Variants in CHRM2 observed in about 807,000 individuals in gnomAD.
CHRM2 encodes cholinergic receptor muscarinic 2.
In CHRM2, 8 loss-of-function variants were observed where a neutral mutation model predicts 25.0. That is an observed-to-expected ratio of 0.32 (90% CI 0.19 to 0.58). The LOEUF (loss-of-function observed/expected upper bound fraction) is 0.58. CHRM2 is among the 20% of genes least tolerant of loss of function. The pLI, the probability that CHRM2 is intolerant of heterozygous loss-of-function variation, is 0.88. For missense variants in CHRM2, 440 were observed against 567.1 expected (o/e 0.78, Z 2.28); for synonymous variants, 202 against 205.7 (o/e 0.98, Z 0.15).
chr7:136,876,323 G>C (rs1024036144), intron 2 of CHRM2, among the ~76,000 whole-genome samples: 1 of 152,028 alleles, frequency 6.6e-6, no homozygotes, highest in African/African-American at 2.4e-5. Context: ...AACTTGTTAG[G>C]GATACAGATG....
intron 2 of CHRM2, among the ~76,000 whole-genome samples, chr7:136,878,988 T>A (rs138781938): frequency 8.7e-4 from 133 of 152,028 alleles, no homozygotes; most frequent in African/African-American, 3.0e-3. Context: ...GTTCAGAAAA[T>A]GAAGTCATGA....
intron 2 of CHRM2, among the ~76,000 whole-genome samples, chr7:136,974,910 T>G (rs1802016434): frequency 6.6e-6 from 1 of 152,128 alleles, no homozygotes; most frequent in Non-Finnish European, 1.5e-5. Context: ...TGATAACTAA[T>G]ATAGTGATGG....
chr7:136,942,182 A>G (rs1355161320), intron 2 of CHRM2, among the ~76,000 whole-genome samples: 12 of 152,120 alleles, frequency 7.9e-5, no homozygotes, highest in Non-Finnish European at 1.3e-4. Context: ...GAAAAATGCA[A>G]TATTTGAGGT....
At chr7:136,933,956 T>C (rs556620918) in intron 2 of CHRM2, among the ~76,000 whole-genome samples, 57 of 152,270 alleles carry the variant, frequency 3.7e-4, no homozygotes, top group Middle Eastern at 3.4e-3. Flanking sequence ...ATTTTTGTTC[T>C]GTTTTTGTTT....
chr7:136,952,481 T>C (rs1246539619), intron 2 of CHRM2, among the ~76,000 whole-genome samples: 1 of 152,198 alleles, frequency 6.6e-6, no homozygotes, highest in African/African-American at 2.4e-5. Flanking sequence ...ACTTCAGTCA[T>C]GAAGTTCTGG....
At chr7:136,921,794 C>CTTTCTTTCTTTCTTTT (rs776923730) in intron 2 of CHRM2, among the ~76,000 whole-genome samples, 9 of 116,538 alleles carry the variant, frequency 7.7e-5, no homozygotes, top group African/African-American at 2.2e-4. Flanking sequence ...TTCTTTCTTT[C>CTTTCTTTCTTTCTTTT]TTTTTTTTGA....
intron 2 of CHRM2, chr7:136,938,604 T>C: frequency 1.1e-6 from 1 of 881,544 alleles, no homozygotes; most frequent in Non-Finnish European, 1.9e-6. Flanking sequence ...CGAAAGCTGC[T>C]GCTGTCCACT....
chr7:136,892,484 C>T (rs981735381), intron 2 of CHRM2, among the ~76,000 whole-genome samples: 12 of 151,746 alleles, frequency 7.9e-5, no homozygotes, highest in Non-Finnish European at 1.8e-4. Context: ...ATTCATGGGA[C>T]GAGCAGAATG....
intron 3 of CHRM2, among the ~76,000 whole-genome samples, chr7:137,003,231 A>G (rs768174354): frequency 1.2e-4 from 18 of 152,112 alleles, no homozygotes; most frequent in Non-Finnish European, 2.4e-4. Context: ...TGTCTCCCTC[A>G]AAAGGAGGAA....
At chr7:136,944,839 T>A (rs2130830710) in intron 2 of CHRM2, among the ~76,000 whole-genome samples, 1 of 152,150 alleles carries the variant, frequency 6.6e-6, no homozygotes, top group Non-Finnish European at 1.5e-5. Context: ...CAATTGCTTT[T>A]GCATCAGCCT....
Position 137,015,523 on chromosome 7 carries a change from G to A in CHRM2, c.658G>A (p.Asp220Asn). 6.2e-7 allele frequency: 1 copy of A among 1,613,022 alleles called. No individual in the cohort carries two copies. The highest frequency in any genetic ancestry group is 8.5e-7 in the Non-Finnish European group (1 of 1,179,566). The change falls in exon 4 of 4, where the codon GAC becomes AAC. Residue 220 changes from aspartate to asparagine, a missense_variant. Asp to Asn is a conservative substitution (Grantham distance 23). Transcript: ENST00000680005. This position sits in a 1 kb window ranked among gnomAD's most constrained non-coding sequence, Gnocchi z 5.1. ...AGCCAGCAAGAGCAGGATAAAGAAGGACAAGAAGGAGCCTGTTGCCAACCA... is the reference window on the plus strand; with the variant it reads ...AGCCAGCAAGAGCAGGATAAAGAAGAACAAGAAGGAGCCTGTTGCCAACCA... ...SRASKSRIKK[D>N]KKEPVANQDP...
At chr7:136,922,532 T>G (rs1798507141) in intron 2 of CHRM2, among the ~76,000 whole-genome samples, 2 of 152,200 alleles carry the variant, frequency 1.3e-5, no homozygotes. Flanking sequence ...CATTTATATC[T>G]TTCCATACTC....
At chr7:136,911,510 C>A (rs901608489) in intron 2 of CHRM2, among the ~76,000 whole-genome samples, 5 of 151,880 alleles carry the variant, frequency 3.3e-5, no homozygotes, top group African/African-American at 7.3e-5. Flanking sequence ...ATGCTTCTCA[C>A]CAGCATGCTC....
chr7:136,919,241 G>A (rs560775071), intron 2 of CHRM2, among the ~76,000 whole-genome samples: 9 of 152,156 alleles, frequency 5.9e-5, no homozygotes, highest in African/African-American at 1.9e-4. Flanking sequence ...GTGGTGGTAT[G>A]CACTTTTAAA....
At chr7:137,014,752 A>G (rs1805058968) in intron 3 of CHRM2, 68 bp from the exon 4 acceptor site, 1 of 987,198 alleles carries the variant, frequency 1.0e-6, no homozygotes, top group African/African-American at 1.6e-5. Context: ...TTAAAAGGAG[A>G]AACAACATTA....
At chr7:137,006,244 T>C (rs972287509) in intron 3 of CHRM2, among the ~76,000 whole-genome samples, 1 of 152,266 alleles carries the variant, frequency 6.6e-6, no homozygotes, top group Non-Finnish European at 1.5e-5. Context: ...CTATTCAGAA[T>C]TGTCCAGGCC....
chr7:136,956,114 C>T (rs916107839), intron 2 of CHRM2, among the ~76,000 whole-genome samples: 3 of 151,876 alleles, frequency 2.0e-5, no homozygotes, highest in Non-Finnish European at 4.4e-5. Context: ...AAGAGAGATA[C>T]TATAATTGTA....
rs1343569665 is a variant in CHRM2, at chr7:136,972,170, C to T, written c.-124-20017C>T. Among the ~76,000 whole-genome samples the T allele has an allele frequency of 4.0e-5, 6 of 151,674 alleles. No homozygotes were observed. The South Asian group carries it at 6.2e-4, about 16-fold the overall frequency. On this transcript the variant is annotated intron_variant, in intron 2 of 3. Coordinates refer to ENST00000680005, the MANE Select transcript of CHRM2 (RefSeq NM_001006630.2). ...ATTTTCTCCTAAAGTTCAGTAAAGG[C>T]CATCTTTCAGAATAACATAAATCTA...
intron 2 of CHRM2, among the ~76,000 whole-genome samples, chr7:136,955,590 G>C (rs761519918): frequency 6.6e-6 from 1 of 152,132 alleles, no homozygotes; most frequent in Non-Finnish European, 1.5e-5. Flanking sequence ...ATTTCAAAAG[G>C]AATGTCCTGG....
Sources: allele counts gnomAD v4.1 joint callset (sites outside exome capture counted in the v4.1 genomes callset), GRCh38; gene constraint gnomAD v4.1.1; non-coding constraint Gnocchi (gnomAD v3.1); transcripts MANE v1.5; gene names NCBI Gene and HGNC (gene_info 2026-07-23, HGNC 2026-07-21).